The following DOCK2 variants were observed in gnomAD, a reference collection of about 807,000 sequenced individuals.
DOCK2 encodes the protein dedicator of cytokinesis protein 2.
In DOCK2, 87 loss-of-function variants were observed where a neutral mutation model predicts 248.9. That is an observed-to-expected ratio of 0.35 (90% CI 0.29 to 0.42). DOCK2 has a LOEUF of 0.42. Among genes scored for constraint, DOCK2 ranks in the 10% least tolerant of loss-of-function variants. The pLI, the probability that DOCK2 is intolerant of heterozygous loss-of-function variation, is 1.00. For missense variants in DOCK2, 1,747 were observed against 2,300.2 expected, an observed-to-expected ratio of 0.76 and a Z score of 4.92; for synonymous variants, 805 against 821.6, an observed-to-expected ratio of 0.98 and a Z score of 0.35.
At chr5:170,050,821 G>T (rs1045150413) in intron 41 of DOCK2, among the ~76,000 whole-genome samples, 1 of 152,146 alleles carries the variant, frequency 6.6e-6, no homozygotes, top group Non-Finnish European at 1.5e-5. Context: ...TGTAAATGTT[G>T]CATGCATTGA....
At chr5:169,863,349 G>A (rs261031) in intron 27 of DOCK2, among the ~76,000 whole-genome samples, 31,067 of 152,152 alleles carry the variant, frequency 0.2, 4,756 homozygotes, top group African/African-American at 0.43. Context: ...ACAGTGTTGT[G>A]TTTTATCTTA....
chr5:170,027,279 T>C (rs1236265296), intron 33 of DOCK2, among the ~76,000 whole-genome samples: 1 of 152,096 alleles, frequency 6.6e-6, no homozygotes, highest in Non-Finnish European at 1.5e-5. Context: ...TAGGCTTGTG[T>C]CAGGTTTCCA....
At chr5:170,018,919 G>A (rs375491570) in intron 32 of DOCK2, 41 bp from the exon 33 acceptor site, 16 of 1,597,420 alleles carry the variant, frequency 1.0e-5, no homozygotes, top group Middle Eastern at 1.7e-4. Context: ...CCTGTGCGTC[G>A]CCGAACTGTT....
rs966420608 is a variant in DOCK2, at chr5:169,699,930, A to C, written c.1133-84A>C. 3.2e-6 allele frequency: 5 copies of C among 1,573,648 alleles called. No individual in the cohort carries two copies. The African/African-American group carries it at 6.7e-5, about 21-fold the overall frequency. Reference sequence around the variant, plus strand: ...ACTCTGTTCCCAGTGATCTCCAGAAAGACAGAGGGGAGAGGTGGCGGGAGG... The same window carrying C: ...ACTCTGTTCCCAGTGATCTCCAGAACGACAGAGGGGAGAGGTGGCGGGAGG... On this transcript the variant is annotated intron_variant, in intron 12 of 51. Transcript: ENST00000520908.
intron 29 of DOCK2, among the ~76,000 whole-genome samples, chr5:169,992,447 G>A (rs1778231954): frequency 6.6e-6 from 1 of 152,202 alleles, no homozygotes; most frequent in South Asian, 2.1e-4. Context: ...TACCATATGA[G>A]TGCTTAGGCT....
intron 35 of DOCK2, among the ~76,000 whole-genome samples, chr5:170,034,898 A>C (rs1756269808): frequency 6.6e-6 from 1 of 152,276 alleles, no homozygotes; most frequent in Non-Finnish European, 1.5e-5. Flanking sequence ...TCTGATAATT[A>C]ATGGGATGGA....
chr5:169,680,401 A>G (rs1210838492), intron 6 of DOCK2, among the ~76,000 whole-genome samples: 1 of 152,220 alleles, frequency 6.6e-6, no homozygotes, highest in Non-Finnish European at 1.5e-5. Flanking sequence ...ACAAATCAAT[A>G]CCAAACAGGG....
intron 27 of DOCK2, among the ~76,000 whole-genome samples, chr5:169,930,903 G>T (rs993115544): frequency 1.3e-5 from 2 of 152,114 alleles, no homozygotes; most frequent in Non-Finnish European, 2.9e-5. Context: ...ATACAATAAA[G>T]GATACCTGTC....
chr5:169,694,118 A>G (rs1760465676), intron 9 of DOCK2, among the ~76,000 whole-genome samples: 1 of 152,192 alleles, frequency 6.6e-6, no homozygotes, highest in Non-Finnish European at 1.5e-5. Context: ...CTGTTCCCAG[A>G]GACTCTGCAC....
intron 27 of DOCK2, among the ~76,000 whole-genome samples, chr5:169,964,342 A>G (rs1238616931): frequency 6.6e-6 from 1 of 152,194 alleles, no homozygotes; most frequent in Non-Finnish European, 1.5e-5. Flanking sequence ...AGCTCAGACT[A>G]TAAATTTCTT....
At chr5:169,942,679 G>A (rs1776287701) in intron 27 of DOCK2, among the ~76,000 whole-genome samples, 2 of 152,202 alleles carry the variant, frequency 1.3e-5, no homozygotes, top group African/African-American at 4.8e-5. Context: ...CCTTGGCCCT[G>A]CAAGCAGTAC....
At position 169,708,455 on chromosome 5, in the gene DOCK2, G is replaced by A. The variant is rs564430682; in HGVS notation, c.1482+188G>A. Among the ~76,000 whole-genome samples the A allele has an allele frequency of 2.6e-5, 4 of 152,246 alleles. No homozygotes were observed. The East Asian group carries it at 5.8e-4, about 22-fold the overall frequency. ...AGGGAAGTAGCCTGACCACGACCAC[G>A]CTGCTAGGAAATATCAGAGCTGGGA... is the stretch of plus-strand genomic sequence containing the variant. On this transcript the variant is annotated intron_variant, in intron 15 of 51. Transcript: ENST00000520908.
At chr5:169,726,108 T>G (rs1762460443) in intron 22 of DOCK2, among the ~76,000 whole-genome samples, 1 of 152,208 alleles carries the variant, frequency 6.6e-6, no homozygotes, top group Admixed American at 6.5e-5. Flanking sequence ...ATTGAACTAA[T>G]TTACACTCCC....
intron 27 of DOCK2, among the ~76,000 whole-genome samples, chr5:169,860,821 A>T (rs1279803747): frequency 6.6e-6 from 1 of 152,212 alleles, no homozygotes; most frequent in African/African-American, 2.4e-5. Flanking sequence ...CTAATCTCCC[A>T]TCTTAACAGA....
chr5:169,967,037 A>C (rs1309044314), intron 27 of DOCK2, among the ~76,000 whole-genome samples: 1 of 152,236 alleles, frequency 6.6e-6, no homozygotes, highest in Non-Finnish European at 1.5e-5. Flanking sequence ...ATTAATGGTG[A>C]AGTACCTCCT....
intron 27 of DOCK2, among the ~76,000 whole-genome samples, chr5:169,849,169 T>C (rs2113366000): frequency 6.6e-6 from 1 of 152,318 alleles, no homozygotes; most frequent in East Asian, 1.9e-4. Flanking sequence ...AAAAGTAATA[T>C]TTATAATAAA....
chr5:169,787,226 A>T (rs1180235123), intron 25 of DOCK2, among the ~76,000 whole-genome samples: 1 of 152,218 alleles, frequency 6.6e-6, no homozygotes, highest in Non-Finnish European at 1.5e-5. Flanking sequence ...CATTAGAGGA[A>T]TGAGAATGGA....
At chr5:170,037,370 G>C (rs1360142157) in intron 36 of DOCK2, among the ~76,000 whole-genome samples, 3 of 151,228 alleles carry the variant, frequency 2.0e-5, no homozygotes, top group African/African-American at 7.3e-5. Context: ...CATTTTTAAT[G>C]AAACTATAAA....
At chr5:169,852,272 AAAGGT>A (rs1440780887) in intron 27 of DOCK2, among the ~76,000 whole-genome samples, 1 of 152,198 alleles carries the variant, frequency 6.6e-6, no homozygotes, top group Non-Finnish European at 1.5e-5. Flanking sequence ...GCGTGTTCTT[AAAGGT>A]AAGACTCCAC....
Sources: gnomAD v4.1 joint callset for allele counts (sites outside exome capture counted in the v4.1 genomes callset) on GRCh38, gnomAD v4.1.1 for gene constraint, MANE v1.5 for transcripts, NCBI Gene and HGNC (gene_info 2026-07-23, HGNC 2026-07-21) for gene names.